The following DTNBP1 variants were observed in gnomAD, a reference collection of about 807,000 sequenced individuals.
The protein encoded by DTNBP1 is dystrobrevin binding protein 1.
Under a neutral mutation model 42.8 loss-of-function variants are expected in DTNBP1, and 35 were observed. That is an observed-to-expected ratio of 0.82 (90% CI 0.63 to 1.09). DTNBP1 has a LOEUF of 1.09. Among genes scored for constraint, DTNBP1 ranks in the 50% least tolerant of loss-of-function variants. DTNBP1 has a pLI of 0.00. For missense variants in DTNBP1, 457 were observed against 424.2 expected, an observed-to-expected ratio of 1.08 and a Z score of -0.68; for synonymous variants, 171 against 162.2, an observed-to-expected ratio of 1.05 and a Z score of -0.41.
At chr6:15,606,719 A>G (rs1035555802) in intron 6 of DTNBP1, among the ~76,000 whole-genome samples, 3 of 152,224 alleles carry the variant, frequency 2.0e-5, no homozygotes, top group African/African-American at 7.2e-5. Context: ...AAAAAAATGC[A>G]TGCACATAAG....
At chr6:15,597,222 C>T (rs1027936747) in intron 6 of DTNBP1, among the ~76,000 whole-genome samples, 3 of 152,044 alleles carry the variant, frequency 2.0e-5, no homozygotes, top group African/African-American at 7.2e-5. Context: ...GATTATAGTG[C>T]TTTGGTAATG....
At chr6:15,640,968 T>C (rs955105523) in intron 3 of DTNBP1, among the ~76,000 whole-genome samples, 6 of 152,340 alleles carry the variant, frequency 3.9e-5, no homozygotes, top group African/African-American at 9.6e-5. Context: ...AAGGACCCTG[T>C]GCTCCAAACA....
chr6:15,547,161 A>G (rs1434114191), intron 7 of DTNBP1, among the ~76,000 whole-genome samples: 2 of 152,152 alleles, frequency 1.3e-5, no homozygotes, highest in African/African-American at 2.4e-5. Flanking sequence ...ACGCTGCATA[A>G]AAGACTTTAG....
chr6:15,607,267 G>A (rs1167490617), intron 6 of DTNBP1, among the ~76,000 whole-genome samples: 1 of 150,238 alleles, frequency 6.7e-6, no homozygotes, highest in Non-Finnish European at 1.5e-5. Context: ...GCTTTCGGCT[G>A]GGATTACAGG....
Position 15,522,943 on chromosome 6 carries a change from C to G in DTNBP1, c.*32G>C. The G allele has an allele frequency of 6.2e-7, 1 of 1,614,212 alleles. No homozygotes were observed. Among genetic ancestry groups the G allele is most frequent in the Non-Finnish European group, 8.5e-7 (1 of 1,180,042 alleles). On this transcript the variant is annotated 3_prime_UTR_variant, in exon 10 of 10. Coordinates refer to ENST00000344537, the MANE Select transcript of DTNBP1 (RefSeq NM_032122.5). ...TTCCGCATACAGCCAAAACTGGATT[C>G]CAGTGTGGCCAGACAACGCCCATGT...
chr6:15,535,298 C>A (rs2127800159), intron 7 of DTNBP1, among the ~76,000 whole-genome samples: 1 of 152,078 alleles, frequency 6.6e-6, no homozygotes, highest in South Asian at 2.1e-4. Flanking sequence ...TCAATTAAAC[C>A]TCCTTTGTTT....
At chr6:15,584,471 T>C (rs1395804110) in intron 7 of DTNBP1, among the ~76,000 whole-genome samples, 1 of 152,040 alleles carries the variant, frequency 6.6e-6, no homozygotes, top group African/African-American at 2.4e-5. Flanking sequence ...TGGTAAAACC[T>C]CTAGTTAGAA....
At position 15,579,461 on chromosome 6, in the gene DTNBP1, A is replaced by G. The variant is rs1775726038; in HGVS notation, c.511+13598T>C. Among the ~76,000 whole-genome samples the G allele has an allele frequency of 2.0e-5, 3 of 152,232 alleles. No individual in the cohort carries two copies. The South Asian group carries it at 6.2e-4, about 32-fold the overall frequency. On this transcript the variant is annotated intron_variant, in intron 7 of 9. Transcript: ENST00000344537. ...GGAGGAACAAGTTCCTGTGTTCTAT[A>G]GCACTGTAGGGTGACTATAACAATT...
chr6:15,575,278 A>AATCCTCTG (rs1473015337), intron 7 of DTNBP1, among the ~76,000 whole-genome samples: 1 of 152,224 alleles, frequency 6.6e-6, no homozygotes, highest in African/African-American at 2.4e-5. Context: ...TACAAGACAA[A>AATCCTCTG]ATCCTCTGAA....
chr6:15,523,853 G>A (rs1738326780), intron 9 of DTNBP1: 17 of 1,287,218 alleles, frequency 1.3e-5, no homozygotes, highest in Non-Finnish European at 1.6e-5. Flanking sequence ...CGGGTGAGAA[G>A]TTTAGAGGAA....
intron 1 of DTNBP1, among the ~76,000 whole-genome samples, chr6:15,654,390 G>C (rs1761171492): frequency 6.6e-6 from 1 of 152,136 alleles, no homozygotes; most frequent in Non-Finnish European, 1.5e-5. Context: ...ATATACAGCA[G>C]TGCCTCATAC....
chr6:15,631,253 TTTAA>T (rs1397268643), intron 4 of DTNBP1, among the ~76,000 whole-genome samples: 1 of 152,194 alleles, frequency 6.6e-6, no homozygotes, highest in African/African-American at 2.4e-5. Context: ...AACTTTCATT[TTTAA>T]GGCTGGGTAC....
chr6:15,661,429 G>A (rs1298255819), intron 1 of DTNBP1, among the ~76,000 whole-genome samples: 1 of 152,206 alleles, frequency 6.6e-6, no homozygotes, highest in Non-Finnish European at 1.5e-5. Context: ...GGAGGCCAAG[G>A]CGGGAGGATC....
chr6:15,523,228 T>TA lies in DTNBP1; in HGVS notation c.812-10dup. The TA allele has an allele frequency of 6.2e-7, 1 of 1,613,914 alleles. No homozygotes were observed. Among genetic ancestry groups the TA allele is most frequent in the Non-Finnish European group, 8.5e-7 (1 of 1,179,990 alleles). ...GGTACTGGATTCAGGCCCTGCAAAA[T>TA]AACGTAGGGAAGAAAAAGCCCTGTC... On this transcript the variant is annotated splice_polypyrimidine_tract_variant and intron_variant, in intron 9 of 9. Coordinates refer to ENST00000344537, the MANE Select transcript of DTNBP1 (RefSeq NM_032122.5).
intron 7 of DTNBP1, chr6:15,585,691 GA>G: frequency 6.5e-7 from 1 of 1,533,804 alleles, no homozygotes; most frequent in Non-Finnish European, 8.7e-7. Context: ...AGCAGCAAAG[GA>G]AAAACAGAAA....
intron 3 of DTNBP1, among the ~76,000 whole-genome samples, chr6:15,650,967 A>T (rs1760959739): frequency 6.6e-6 from 1 of 152,228 alleles, no homozygotes; most frequent in Non-Finnish European, 1.5e-5. Context: ...TGTCAATAAA[A>T]GAATGGATTG....
intron 1 of DTNBP1, chr6:15,660,452 T>C: frequency 1.6e-6 from 2 of 1,289,728 alleles, no homozygotes; most frequent in Non-Finnish European, 2.0e-6. Context: ...TGGAGATGAG[T>C]TGTTTCTCCA....
At chr6:15,533,480 C>T in intron 7 of DTNBP1, 85 bp from the exon 8 acceptor site, 1 of 1,591,810 alleles carries the variant, frequency 6.3e-7, no homozygotes, top group Non-Finnish European at 8.6e-7. Flanking sequence ...CATCCACCCT[C>T]CAAGTGGATG....
intron 7 of DTNBP1, among the ~76,000 whole-genome samples, chr6:15,556,796 T>C (rs1456237364): frequency 6.6e-6 from 1 of 152,174 alleles, no homozygotes; most frequent in African/African-American, 2.4e-5. Flanking sequence ...TGCACCCTTT[T>C]TCCTTTCCTA....
Sources: gnomAD v4.1 joint callset for allele counts (sites outside exome capture counted in the v4.1 genomes callset) on GRCh38, gnomAD v4.1.1 for gene constraint, MANE v1.5 for transcripts, NCBI Gene and HGNC (gene_info 2026-07-23, HGNC 2026-07-21) for gene names.